Variants in PCBP2 observed in about 807,000 individuals in gnomAD.
PCBP2 encodes poly(rC) binding protein 2.
PCBP2 carries 4 observed loss-of-function variants against 50.1 expected under a neutral mutation model. The ratio of observed to expected loss-of-function variants is 0.08; its 90% CI spans 0.04 to 0.18. The LOEUF (loss-of-function observed/expected upper bound fraction) is 0.18, where lower values mean the gene tolerates loss of function less well. PCBP2 is among the 10% of genes least tolerant of loss of function. The pLI is 1.00. For synonymous variants in PCBP2, 179 were observed against 168.0 expected (o/e 1.07, Z -0.51); for missense variants, 161 against 474.3 (o/e 0.34, Z 6.14).
At chr12:53,452,737 G>C (rs1042455168) in intron 1 of PCBP2, 6 of 152,106 alleles carry the variant, frequency 3.9e-5, no homozygotes, top group Admixed American at 2.0e-4. Context: ...TCCCCGCGGG[G>C]GTCAGGCGCT....
In PCBP2 at chr12:53,467,214, C is replaced by T. The variant is rs1317483584; in HGVS notation, c.715-7C>T. The T allele has an allele frequency of 6.2e-7, 1 of 1,611,102 alleles. No individual in the cohort carries two copies. The highest frequency in any genetic ancestry group is 1.7e-5 in the Admixed American group (1 of 59,882). ...TCTAATGCCAACCTCCTGTTTCCTC[C>T]TTGCAGTTGACCAAGCTGCACCAGT... On this transcript the variant is annotated splice_region_variant and splice_polypyrimidine_tract_variant and intron_variant, in intron 10 of 14. Transcript: ENST00000546463.
chr12:53,469,192 G>A (rs1404480087), intron 13 of PCBP2, among the ~76,000 whole-genome samples: 2 of 151,952 alleles, frequency 1.3e-5, no homozygotes, highest in South Asian at 2.1e-4. Flanking sequence ...CTGAGTCACC[G>A]CACTTGGCCT....
chr12:53,467,386 T>C, intron 11 of PCBP2, 93 bp downstream of exon 11: 2 of 1,050,374 alleles, frequency 1.9e-6, no homozygotes, highest in Non-Finnish European at 3.0e-6. Context: ...AAAACAAACT[T>C]CGTTATCCAG....
At chr12:53,460,215 C>A (rs1170398350) in intron 6 of PCBP2, 2 of 214,162 alleles carry the variant, frequency 9.3e-6, no homozygotes, top group Non-Finnish European at 2.0e-5. Context: ...TCATGGCTTA[C>A]TGCAACCTCG....
chr12:53,461,232 T>A, intron 7 of PCBP2, 89 bp downstream of exon 7: 1 of 1,455,760 alleles, frequency 6.9e-7, no homozygotes. Context: ...TAGAATTAAG[T>A]GAGGCTGTTA....
intron 9 of PCBP2, among the ~76,000 whole-genome samples, chr12:53,465,238 C>T (rs923967171): frequency 6.6e-6 from 1 of 151,902 alleles, no homozygotes; most frequent in African/African-American, 2.4e-5. Flanking sequence ...TTTTCCTTTC[C>T]TCCTTTTCCC....
At chr12:53,476,883 G>A (rs1942619823) in intron 14 of PCBP2, among the ~76,000 whole-genome samples, 1 of 152,088 alleles carries the variant, frequency 6.6e-6, no homozygotes, top group African/African-American at 2.4e-5. Flanking sequence ...ACTTAATCAT[G>A]CTGATACCAT....
At chr12:53,462,212 TA>T (rs1941499290) in intron 7 of PCBP2, among the ~76,000 whole-genome samples, 1 of 152,228 alleles carries the variant, frequency 6.6e-6, no homozygotes, top group Non-Finnish European at 1.5e-5. Flanking sequence ...TCATGTCCAT[TA>T]AATTTATCTA....
intron 4 of PCBP2, 73 bp from the exon 5 acceptor site, chr12:53,455,812 A>C (rs1047486736): frequency 1.0e-6 from 1 of 1,001,054 alleles, no homozygotes; most frequent in Non-Finnish European, 1.6e-6. Flanking sequence ...GCAGTCTTAT[A>C]AGGGACTGTA....
intron 5 of PCBP2, among the ~76,000 whole-genome samples, chr12:53,458,149 G>A (rs1941177386): frequency 1.3e-5 from 2 of 151,780 alleles, no homozygotes; most frequent in Admixed American, 6.6e-5. Context: ...GGCTGGTCTC[G>A]GACTCCTGAC....
intron 10 of PCBP2, 115 bp from the exon 11 acceptor site, chr12:53,467,106 G>C: frequency 1.4e-6 from 1 of 718,614 alleles, no homozygotes; most frequent in Non-Finnish European, 2.5e-6. Context: ...CTCTGTTGTA[G>C]TTTGAGTAGT....
chr12:53,453,317 C>T (rs987910564), intron 1 of PCBP2: 2 of 151,036 alleles, frequency 1.3e-5, no homozygotes, highest in African/African-American at 4.9e-5. Flanking sequence ...TTTACCACAT[C>T]TTATTAAAAA....
At chr12:53,463,354 A>T (rs1186001887) in intron 8 of PCBP2, among the ~76,000 whole-genome samples, 1 of 152,180 alleles carries the variant, frequency 6.6e-6, no homozygotes, top group South Asian at 2.1e-4. Flanking sequence ...GAGTAGGTAG[A>T]TCAGGTTTTA....
intron 1 of PCBP2, chr12:53,452,708 C>A (rs1438578654): frequency 6.6e-6 from 1 of 152,000 alleles, no homozygotes; most frequent in African/African-American, 2.4e-5. Flanking sequence ...GGCTTGCTGG[C>A]CGGGCGGGTG....
chr12:53,454,869 G>A lies in PCBP2; in HGVS notation c.69G>A (p.Lys23=). The A allele has an allele frequency of 3.1e-6, 5 of 1,613,592 alleles. No homozygotes were observed. The highest frequency in any genetic ancestry group is 4.2e-6 in the Non-Finnish European group (5 of 1,179,482). ...CCATCCGGCTACTTATGCATGGAAA[G>A]GTATGCTCTAGCTTGGGAAATGGGG... ...TLTIRLLMHG[K]EVGSIIGKKG... Residue 23 remains lysine (K), a splice_region_variant and synonymous_variant, in exon 2 of 15, where the codon AAG becomes AAA. Coordinates refer to ENST00000546463, the MANE Select transcript of PCBP2 (RefSeq NM_031989.5).
intron 12 of PCBP2, chr12:53,468,170 A>G (rs1252461378): frequency 1.2e-5 from 3 of 252,910 alleles, no homozygotes; most frequent in Non-Finnish European, 2.3e-5. Context: ...TTCTTTGGAA[A>G]ACAAAATGAA....
chr12:53,472,484 T>A (rs1249833707), intron 14 of PCBP2, among the ~76,000 whole-genome samples: 1 of 152,220 alleles, frequency 6.6e-6, no homozygotes, highest in African/African-American at 2.4e-5. Flanking sequence ...CACAGTCAAA[T>A]GGGATCCTAC....
At chr12:53,464,611 A>G in intron 8 of PCBP2, 149 bp from the exon 9 acceptor site, 1 of 1,100,130 alleles carries the variant, frequency 9.1e-7, no homozygotes, top group Non-Finnish European at 1.3e-6. Context: ...TTTTTAATTC[A>G]CTGATTACAG....
chr12:53,459,241 C>G, intron 5 of PCBP2, 31 bp from the exon 6 acceptor site: 1 of 1,554,526 alleles, frequency 6.4e-7, no homozygotes, highest in Non-Finnish European at 8.7e-7. Context: ...TTCCAGGGAT[C>G]TGCTTATTGT....
Sources: gnomAD v4.1 joint callset for allele counts (sites outside exome capture counted in the v4.1 genomes callset) on GRCh38, gnomAD v4.1.1 for gene constraint, MANE v1.5 for transcripts, NCBI Gene and HGNC (gene_info 2026-07-23, HGNC 2026-07-21) for gene names.